AFAP1L1: variants seen among roughly 807,000 people sequenced by gnomAD.
AFAP1L1 encodes the protein actin filament associated protein 1 like 1.
AFAP1L1 carries 77 observed loss-of-function variants against 99.8 expected under a neutral mutation model. The observed-to-expected ratio is 0.77, with a 90% CI of 0.64 to 0.93. The LOEUF is 0.93. Ranked by LOEUF, AFAP1L1 falls within the 40% of genes least tolerant of loss-of-function variation. AFAP1L1 has a pLI of 0.00. For missense variants in AFAP1L1, 893 were observed against 996.8 expected (o/e 0.90, Z 1.40); for synonymous variants, 373 against 395.3 (o/e 0.94, Z 0.67).
intron 12 of AFAP1L1, among the ~76,000 whole-genome samples, chr5:149,318,271 T>C (rs1228460513): frequency 6.6e-6 from 1 of 152,254 alleles, no homozygotes; most frequent in Non-Finnish European, 1.5e-5. Flanking sequence ...TCTGTATTTT[T>C]ATTCACTAAA....
Position 149,307,500 on chromosome 5 carries a change from G to C in AFAP1L1, c.634G>C (p.Glu212Gln). The part of the protein sequence containing the change: ...PQPRHQWPSE[E>Q]ASMHLVRECR... ...GCCCCGACACCAGTGGCCCTCAGAG[G>C]AGGCCTCCATGCACCTGGTGAGGGA... The change falls in exon 7 of 19, where the codon GAG becomes CAG. Residue 212 changes from glutamate (E) to glutamine (Q), a missense_variant. Physicochemically the swap from Glu to Gln is conservative, Grantham distance 29. Transcript: ENST00000296721. 6.2e-7 allele frequency: 1 copy of C among 1,614,170 alleles called. No individual in the cohort carries two copies.
At chr5:149,304,792 G>A (rs187602184) in intron 5 of AFAP1L1, among the ~76,000 whole-genome samples, 17 of 152,312 alleles carry the variant, frequency 1.1e-4, no homozygotes, top group African/African-American at 1.4e-4. Flanking sequence ...CTGGAAAGGC[G>A]GGCTCCGAGC....
chr5:149,301,967 C>T (rs1756233078), intron 4 of AFAP1L1, among the ~76,000 whole-genome samples: 1 of 152,266 alleles, frequency 6.6e-6, no homozygotes, highest in Non-Finnish European at 1.5e-5. Flanking sequence ...ACAACTCACA[C>T]GTGGCAGAAC....
chr5:149,294,197 G>A (rs976879999), intron 1 of AFAP1L1, among the ~76,000 whole-genome samples: 2 of 152,166 alleles, frequency 1.3e-5, no homozygotes, highest in Admixed American at 1.3e-4. Context: ...TTGTAAAAAT[G>A]CAAGTTCCTG....
In AFAP1L1 at chr5:149,320,115, A is replaced by C. The variant is rs191461218; in HGVS notation, c.1626-276A>C. Among the ~76,000 whole-genome samples, 1 of 152,206 alleles carries C rather than the reference A, an allele frequency of 6.6e-6. No homozygotes were observed. The highest frequency in any genetic ancestry group is 1.5e-5 in the Non-Finnish European group (1 of 68,036). On this transcript the variant is annotated intron_variant, in intron 13 of 18. Transcript: ENST00000296721. The surrounding 1 kb of genome is among the most constrained non-coding windows in gnomAD (Gnocchi z 4.0). ...GTCACCACCAGCAGTGGAAGCTTGC[A>C]CTGGTTGCTTGCCATCTCGGATCTC...
At chr5:149,275,396 C>G (rs543177659) in intron 1 of AFAP1L1, among the ~76,000 whole-genome samples, 20 of 152,240 alleles carry the variant, frequency 1.3e-4, no homozygotes, top group Middle Eastern at 3.4e-3. Context: ...TTTGCCATGT[C>G]CCTTCGTGGC....
intron 1 of AFAP1L1, among the ~76,000 whole-genome samples, chr5:149,280,648 C>A (rs1381327299): frequency 6.6e-6 from 1 of 152,136 alleles, no homozygotes; most frequent in African/African-American, 2.4e-5. Context: ...GGTCTGTTAC[C>A]CAAAGCAACC....
At chr5:149,280,965 TC>T (rs1755499708) in intron 1 of AFAP1L1, among the ~76,000 whole-genome samples, 1 of 152,196 alleles carries the variant, frequency 6.6e-6, no homozygotes, top group Admixed American at 6.5e-5. Context: ...GCCGCTCACT[TC>T]CGTGTTATGA....
intron 1 of AFAP1L1, among the ~76,000 whole-genome samples, chr5:149,290,107 C>A (rs1242598200): frequency 6.6e-6 from 1 of 152,204 alleles, no homozygotes; most frequent in Non-Finnish European, 1.5e-5. Flanking sequence ...GTAGCGCACG[C>A]CTGTAGTCCA....
In AFAP1L1 at chr5:149,293,141, C is replaced by T. The variant is rs533153077; in HGVS notation, c.17-6368C>T. 2.6e-5 allele frequency among the ~76,000 whole-genome samples: 4 copies of T among 152,330 alleles called. No homozygotes were observed. The South Asian group carries it at 6.2e-4, about 24-fold the overall frequency. The stretch of plus-strand genomic sequence containing the variant: ...CCACTTCCCCTGAAACTCCATGGGG[C>T]GATCACAGATGAGTGAAGAGAGCAG... On this transcript the variant is annotated intron_variant, in intron 1 of 18. Coordinates refer to ENST00000296721, the MANE Select transcript of AFAP1L1 (RefSeq NM_152406.4).
intron 6 of AFAP1L1, among the ~76,000 whole-genome samples, chr5:149,307,155 G>A (rs927218847): frequency 6.6e-6 from 1 of 152,116 alleles, no homozygotes; most frequent in Admixed American, 6.5e-5. Context: ...GCTGAGACAG[G>A]AGAATCGCTT....
rs1757604046 is a variant in AFAP1L1 at position 149,343,157 on chromosome 5, T to C, written c.*3127T>C. ...AAAAGAAAATATAAGTTATTGGTCA[T>C]GACACATTTGAGTTGGACCTCGGAT... is the stretch of plus-strand genomic sequence containing the variant. On this transcript the variant is annotated 3_prime_UTR_variant, in exon 19 of 19. Transcript: ENST00000296721. 1.3e-5 allele frequency among the ~76,000 whole-genome samples: 2 copies of C among 152,158 alleles called. No homozygotes were observed. Among genetic ancestry groups the C allele is most frequent in the Admixed American group, 1.3e-4 (2 of 15,274 alleles).
chr5:149,291,404 G>A (rs1444702633), intron 1 of AFAP1L1, among the ~76,000 whole-genome samples: 2 of 151,486 alleles, frequency 1.3e-5, no homozygotes, highest in Non-Finnish European at 2.9e-5. Context: ...GCGCACACCT[G>A]TAGTCCCAGC....
intron 1 of AFAP1L1, among the ~76,000 whole-genome samples, chr5:149,294,466 A>G (rs1397116134): frequency 6.6e-6 from 1 of 152,218 alleles, no homozygotes; most frequent in East Asian, 1.9e-4. Flanking sequence ...ATTGAAAGCT[A>G]GCTTCTTAGG....
intron 1 of AFAP1L1, 117 bp downstream of exon 1, chr5:149,272,101 A>T: frequency 9.5e-7 from 1 of 1,052,110 alleles, no homozygotes; most frequent in Non-Finnish European, 1.2e-6. Context: ...GGGGCTGAGG[A>T]ACGCTCGGAG....
At chr5:149,272,020 G>T in intron 1 of AFAP1L1, 36 bp downstream of exon 1, 1 of 1,239,640 alleles carries the variant, frequency 8.1e-7, no homozygotes, top group Non-Finnish European at 1.0e-6. Flanking sequence ...TTGTTGCGGC[G>T]CCGGGCGGGA....
chr5:149,280,722 A>G (rs568022689), intron 1 of AFAP1L1, among the ~76,000 whole-genome samples: 2 of 152,334 alleles, frequency 1.3e-5, no homozygotes, highest in South Asian at 4.1e-4. Flanking sequence ...GTTAGCATCC[A>G]TAATATATCT....
At chr5:149,308,786 A>G (rs955832543) in intron 7 of AFAP1L1, among the ~76,000 whole-genome samples, 2 of 152,138 alleles carry the variant, frequency 1.3e-5, no homozygotes, top group African/African-American at 2.4e-5. Flanking sequence ...GTCTCAGTCT[A>G]GAGCTCAAAA....
At position 149,307,487 on chromosome 5, in the gene AFAP1L1, G is replaced by A; in HGVS notation, c.621G>A (p.Gln207=). ...GGAAGAGCCCGCAGCCCCGACACCA[G>A]TGGCCCTCAGAGGAGGCCTCCATGC... The part of the protein sequence containing the change: ...EEGKSPQPRH[Q]WPSEEASMHL... Residue 207 remains glutamine, a synonymous_variant, in exon 7 of 19, where the codon CAG becomes CAA. Coordinates refer to ENST00000296721, the MANE Select transcript of AFAP1L1 (RefSeq NM_152406.4). The A allele has an allele frequency of 6.2e-7, 1 of 1,614,170 alleles. No homozygotes were observed. Among genetic ancestry groups the A allele is most frequent in the Non-Finnish European group, 8.5e-7 (1 of 1,180,026 alleles).
Sources: allele counts gnomAD v4.1 joint callset (sites outside exome capture counted in the v4.1 genomes callset), GRCh38; gene constraint gnomAD v4.1.1; non-coding constraint Gnocchi (gnomAD v3.1); transcripts MANE v1.5; gene names NCBI Gene and HGNC (gene_info 2026-07-23, HGNC 2026-07-21).